Variants in RIMBP2 observed in about 807,000 individuals in gnomAD.
RIMBP2 encodes RIMS-binding protein 2.
In RIMBP2, 48 loss-of-function variants were observed where a neutral mutation model predicts 118.6. That is an observed-to-expected ratio of 0.40 (90% CI 0.32 to 0.51). The LOEUF is 0.51. RIMBP2 is among the 20% of genes least tolerant of loss of function. RIMBP2 has a pLI of 0.41. For synonymous variants in RIMBP2, 762 were observed against 742.9 expected, an observed-to-expected ratio of 1.03 and a Z score of -0.42; for missense variants, 1,551 against 1,768.3, an observed-to-expected ratio of 0.88 and a Z score of 2.20.
At chr12:130,669,677 T>C (rs931387925) in intron 1 of RIMBP2, among the ~76,000 whole-genome samples, 2 of 152,172 alleles carry the variant, frequency 1.3e-5, no homozygotes, top group Non-Finnish European at 2.9e-5. Flanking sequence ...CTTTCCTTTA[T>C]AAATTACCTG....
intron 2 of RIMBP2, among the ~76,000 whole-genome samples, chr12:130,551,124 C>T (rs533624880): frequency 1.1e-4 from 17 of 152,184 alleles, no homozygotes; most frequent in South Asian, 2.1e-4. Context: ...TGCTACTTGA[C>T]CTAACTCTCA....
At chr12:130,417,866 G>T (rs541526431) in intron 17 of RIMBP2, among the ~76,000 whole-genome samples, 3 of 151,692 alleles carry the variant, frequency 2.0e-5, no homozygotes, top group African/African-American at 7.3e-5. Flanking sequence ...AGAGAGAATG[G>T]GAGGGGAGAG....
intron 2 of RIMBP2, among the ~76,000 whole-genome samples, chr12:130,573,843 A>T (rs1877982): frequency 1.3e-5 from 2 of 152,006 alleles, no homozygotes; most frequent in African/African-American, 4.8e-5. Flanking sequence ...GGCTGTCCAC[A>T]CAGAAATCCC....
At chr12:130,601,191 G>A (rs1351730790) in intron 2 of RIMBP2, among the ~76,000 whole-genome samples, 3 of 152,040 alleles carry the variant, frequency 2.0e-5, no homozygotes, top group East Asian at 1.9e-4. Context: ...CCAGAAGGAC[G>A]ACCAGTAATC....
intron 3 of RIMBP2, among the ~76,000 whole-genome samples, chr12:130,507,873 T>G (rs777419080): frequency 6.6e-6 from 1 of 152,204 alleles, no homozygotes; most frequent in African/African-American, 2.4e-5. Context: ...CTATTTCAAA[T>G]ACATTCTGTA....
rs2059687607 is a variant in RIMBP2, at chr12:130,598,568, AAC to A, written c.-217+29752_-217+29753del. Among the ~76,000 whole-genome samples the A allele has an allele frequency of 2.0e-5, 3 of 152,046 alleles. No individual in the cohort carries two copies. The South Asian group carries it at 6.2e-4, about 32-fold the overall frequency. ...ACGGTGAAACCCCATCTCTACTAAA[AAC>A]ACAAAAAATTAGCTGGGCGTGGTGG... On this transcript the variant is annotated intron_variant, in intron 2 of 22. Coordinates refer to ENST00000690449, the MANE Select transcript of RIMBP2 (RefSeq NM_001393629.1).
At chr12:130,438,877 C>T (rs1414034345) in intron 11 of RIMBP2, among the ~76,000 whole-genome samples, 3 of 152,126 alleles carry the variant, frequency 2.0e-5, no homozygotes, top group South Asian at 4.1e-4. Context: ...GGCAGCCACA[C>T]GATTAGCTCA....
intron 4 of RIMBP2, among the ~76,000 whole-genome samples, chr12:130,479,646 G>T (rs191402049): frequency 1.4e-5 from 2 of 146,692 alleles, no homozygotes; most frequent in African/African-American, 5.4e-5. Context: ...GGAGCTTCCC[G>T]ACCTCGGGCT....
At chr12:130,509,714 C>A (rs1325506917) in intron 3 of RIMBP2, among the ~76,000 whole-genome samples, 2 of 151,358 alleles carry the variant, frequency 1.3e-5, no homozygotes, top group African/African-American at 2.4e-5. Flanking sequence ...AGGTGTCCTG[C>A]CCATGCCCTC....
intron 4 of RIMBP2, among the ~76,000 whole-genome samples, chr12:130,502,703 T>A (rs1362909504): frequency 6.6e-6 from 1 of 152,214 alleles, no homozygotes; most frequent in African/African-American, 2.4e-5. Flanking sequence ...ATCACACGCA[T>A]TTGACTTTTT....
chr12:130,643,802 C>T (rs1157425888), intron 1 of RIMBP2, among the ~76,000 whole-genome samples: 3 of 152,264 alleles, frequency 2.0e-5, no homozygotes, highest in South Asian at 2.1e-4. Flanking sequence ...GCAAGAAACA[C>T]GCAAGCAGAC....
chr12:130,608,139 G>A (rs2060297141), intron 2 of RIMBP2, among the ~76,000 whole-genome samples: 1 of 152,158 alleles, frequency 6.6e-6, no homozygotes, highest in South Asian at 2.1e-4. Flanking sequence ...TGGGAACCAG[G>A]GCAGGAAAAG....
chr12:130,442,715 G>T lies in RIMBP2; in HGVS notation c.692-55C>A. 1 of 1,474,654 alleles carries T rather than the reference G, an allele frequency of 6.8e-7. No homozygotes were observed. Among genetic ancestry groups the T allele is most frequent in the Non-Finnish European group, 9.3e-7 (1 of 1,076,480 alleles). The allele number at this position is 1,474,654 out of a possible 1,614,324, so 91.3% of individuals were successfully genotyped here. On this transcript the variant is annotated intron_variant, in intron 10 of 22. Transcript: ENST00000690449. This position sits in a 1 kb window ranked among gnomAD's most constrained non-coding sequence, Gnocchi z 6.9. Reference sequence around the variant, plus strand: ...CAGCCAACACAGCAGGGGCCTCGAGGCCCCCAGTGTACTCCCACCTCCCCC... The same window carrying T: ...CAGCCAACACAGCAGGGGCCTCGAGTCCCCCAGTGTACTCCCACCTCCCCC...
rs945351419 is a variant in RIMBP2 at position 130,623,758 on chromosome 12, C to G, written c.-217+4564G>C. 3.9e-5 allele frequency among the ~76,000 whole-genome samples: 6 copies of G among 152,172 alleles called. No individual in the cohort carries two copies. Among genetic ancestry groups the G allele is most frequent in the Non-Finnish European group, 8.8e-5 (6 of 68,042 alleles). On this transcript the variant is annotated intron_variant, in intron 2 of 22. Coordinates refer to ENST00000690449, the MANE Select transcript of RIMBP2 (RefSeq NM_001393629.1). The surrounding 1 kb of genome is among the most constrained non-coding windows in gnomAD (Gnocchi z 4.1). The stretch of plus-strand genomic sequence containing the variant: ...GCAGGGCAAGCAAGACATGCTGGAG[C>G]CTCCATGCACCTGCAAGACCGCCTC...
intron 2 of RIMBP2, among the ~76,000 whole-genome samples, chr12:130,531,990 CGTCT>C (rs2139346638): frequency 1.0e-5 from 1 of 96,732 alleles, no homozygotes; most frequent in South Asian, 3.7e-4. Context: ...CTAGGAGGTA[CGTCT>C]AATGAGATGC....
chr12:130,646,082 ACCACTTCCCTCT>A (rs1351465706), intron 1 of RIMBP2, among the ~76,000 whole-genome samples: 983 of 94,216 alleles, frequency 0.01, 40 homozygotes, highest in African/African-American at 0.017. Context: ...CACCTCCCTC[ACCACTTCCCTCT>A]CCACCTCCCT....
chr12:130,500,372 C>T (rs1299275323), intron 4 of RIMBP2, among the ~76,000 whole-genome samples: 4 of 152,300 alleles, frequency 2.6e-5, no homozygotes, highest in South Asian at 2.1e-4. Context: ...GCAGGAGTAT[C>T]GCTTGAACCT....
rs1566217884 is a variant in RIMBP2 at position 130,535,732 on chromosome 12, T to TATATATATACAC, written c.-216-17816_-216-17815insGTGTATATATAT. On this transcript the variant is annotated intron_variant, in intron 2 of 22. Coordinates refer to ENST00000690449, the MANE Select transcript of RIMBP2 (RefSeq NM_001393629.1). ...ATATACATATACATATATATACATATATATACATATATATATATATATATA... is the reference window on the plus strand; with the variant it reads ...ATATACATATACATATATATACATATATATATATACACATATACATATATATATATATATATA... Among the ~76,000 whole-genome samples the TATATATATACAC allele has an allele frequency of 4.3e-3, 84 of 19,484 alleles. 1 individual carries two copies. The highest frequency in any genetic ancestry group is 0.014 in the Admixed American group (11 of 796). 12.8% of individuals were successfully genotyped at this position (19,484 alleles called of 152,430 possible).
At chr12:130,676,883 AG>A (rs1296943126) in intron 1 of RIMBP2, among the ~76,000 whole-genome samples, 5 of 152,058 alleles carry the variant, frequency 3.3e-5, no homozygotes. Flanking sequence ...AAAGCCTGCC[AG>A]GGGACAGGAG....
Sources: gnomAD v4.1 joint callset for allele counts (sites outside exome capture counted in the v4.1 genomes callset) on GRCh38, gnomAD v4.1.1 for gene constraint, Gnocchi (gnomAD v3.1) non-coding constraint, MANE v1.5 for transcripts, NCBI Gene and HGNC (gene_info 2026-07-23, HGNC 2026-07-21) for gene names.